Variants in TAP2 observed in about 807,000 individuals in gnomAD.
TAP2 encodes transporter 2, ATP binding cassette subfamily B member, also known as antigen peptide transporter 2.
Under a neutral mutation model 74.7 loss-of-function variants are expected in TAP2, and 49 were observed. The observed-to-expected ratio is 0.66, with a 90% CI of 0.52 to 0.83. TAP2 has a LOEUF of 0.83. TAP2 is among the 40% of genes least tolerant of loss of function. TAP2 has a pLI of 0.00. For missense variants in TAP2, 739 were observed against 859.0 expected, an observed-to-expected ratio of 0.86 and a Z score of 1.75; for synonymous variants, 306 against 368.4, an observed-to-expected ratio of 0.83 and a Z score of 1.94.
At position 32,832,293 on chromosome 6, in the gene TAP2, G is replaced by C. The variant is rs1769128365; in HGVS notation, c.1272+40C>G. On this transcript the variant is annotated intron_variant, in intron 7 of 11. Coordinates refer to ENST00000374897, the MANE Select transcript of TAP2 (RefSeq NM_001290043.2). The surrounding 1 kb of genome is among the most constrained non-coding windows in gnomAD (Gnocchi z 5.9). ...AGGCCCAGGAGTCCACAAAGAAAAAGAGAGGGAAAAAAGGAGAGCAGGCTT... is the reference window on the plus strand; with the variant it reads ...AGGCCCAGGAGTCCACAAAGAAAAACAGAGGGAAAAAAGGAGAGCAGGCTT... The C allele has an allele frequency of 6.2e-7, 1 of 1,612,858 alleles. No individual in the cohort carries two copies. The highest frequency in any genetic ancestry group is 1.3e-5 in the African/African-American group (1 of 75,024).
rs1288173616 is a variant in TAP2 at position 32,827,333 on chromosome 6, T to A, written c.*1573A>T. On this transcript the variant is annotated 3_prime_UTR_variant, in exon 12 of 12. Coordinates refer to ENST00000374897, the MANE Select transcript of TAP2 (RefSeq NM_001290043.2). Reference sequence around the variant, plus strand: ...GTACGATGGTGGAGATATTTATTCATTTATTCAATTGACTATTTATTCTCC... The same window carrying A: ...GTACGATGGTGGAGATATTTATTCAATTATTCAATTGACTATTTATTCTCC... The A allele has an allele frequency of 1.0e-6, 1 of 985,076 alleles. No individual in the cohort carries two copies. Among genetic ancestry groups the A allele is most frequent in the Admixed American group, 6.1e-5 (1 of 16,262 alleles). The allele number at this position is 985,076 out of a possible 1,614,324, so 61.0% of individuals were successfully genotyped here. A position where few individuals can be genotyped will look rare whatever the true frequency, so the allele number is the denominator to read the frequency against.
intron 9 of TAP2, 33 bp downstream of exon 9, chr6:32,830,234 C>T (rs1171008333): frequency 6.2e-7 from 1 of 1,612,922 alleles, no homozygotes; most frequent in East Asian, 2.2e-5. Flanking sequence ...ATGCTCCCCT[C>T]TCCTGTCCCC....
At chr6:32,834,808 C>G (rs914497399) in intron 5 of TAP2, among the ~76,000 whole-genome samples, 17 of 152,152 alleles carry the variant, frequency 1.1e-4, no homozygotes, top group African/African-American at 4.1e-4. Context: ...TCTAAGAAAC[C>G]ATTTTTAATC....
At position 32,837,794 on chromosome 6, in the gene TAP2, G is replaced by A. The variant is rs779856379; in HGVS notation, c.440C>T (p.Pro147Leu). The A allele has an allele frequency of 1.9e-6, 3 of 1,614,080 alleles. No homozygotes were observed. Among genetic ancestry groups the A allele is most frequent in the Non-Finnish European group, 2.5e-6 (3 of 1,180,016 alleles). The change falls in exon 2 of 12, where the codon CCG becomes CTG. Residue 147 changes from proline (P) to leucine (L), a missense_variant. By Grantham distance (98) the Pro-to-Leu change is moderately conservative. Coordinates refer to ENST00000374897, the MANE Select transcript of TAP2 (RefSeq NM_001290043.2). ...LMWRLLKLSR[P>L]DLPLLVAAFF... is the part of the protein sequence containing the mutation. ...GGCGGCAACGAGGAGAGGCAGGTCC[G>A]GCCTGGAGAGCTTCAGCAGCCTCCA...
Position 32,838,112 on chromosome 6 carries a change from T to TC in TAP2, c.121dup (p.Glu41GlyfsTer126). The TC allele has an allele frequency of 6.2e-7, 1 of 1,610,060 alleles. No homozygotes were observed. Among genetic ancestry groups the TC allele is most frequent in the Non-Finnish European group, 8.5e-7 (1 of 1,179,046 alleles). On this transcript the variant is annotated frameshift_variant, in exon 2 of 12. Transcript: ENST00000374897. LOFTEE classifies it high-confidence loss of function. ...CAGCCCTCCCAGCCGCAGGGTCCCC[T>TC]CCAGCCATAGTCCTGGCAGCCCTTG...
In TAP2 at chr6:32,828,540, A is replaced by G; in HGVS notation, c.*366T>C. 1 of 981,810 alleles carries G rather than the reference A, an allele frequency of 1.0e-6. No homozygotes were observed. The highest frequency in any genetic ancestry group is 1.2e-6 in the Non-Finnish European group (1 of 824,956). 60.8% of individuals were successfully genotyped at this position (981,810 alleles called of 1,614,324 possible). ...TTCTTTGTACTTTTTTATATTGTCT[A>G]AATTTTCTATATGAATGTATACAGT... On this transcript the variant is annotated 3_prime_UTR_variant, in exon 12 of 12. Coordinates refer to ENST00000374897, the MANE Select transcript of TAP2 (RefSeq NM_001290043.2).
rs1449032299 is a variant in TAP2 at position 32,838,246 on chromosome 6, G to C, written c.-4-9C>G. 1 of 1,545,682 alleles carries C rather than the reference G, an allele frequency of 6.5e-7. No individual in the cohort carries two copies. The highest frequency in any genetic ancestry group is 1.2e-5 in the South Asian group (1 of 81,134). The stretch of plus-strand genomic sequence containing the variant: ...CAGGGAGCCGCATGGCTCTGTCAAC[G>C]GATACGAGATGAGAAATCATGGGGG... On this transcript the variant is annotated splice_polypyrimidine_tract_variant and intron_variant, in intron 1 of 11. Coordinates refer to ENST00000374897, the MANE Select transcript of TAP2 (RefSeq NM_001290043.2).
At chr6:32,823,544 C>T (rs571406971), downstream of TAP2, among the ~76,000 whole-genome samples, 4 of 150,262 alleles carry the variant, frequency 2.7e-5, no homozygotes, top group African/African-American at 4.9e-5. Context: ...TGTCTTTGCC[C>T]ATCATCTTAT....
chr6:32,838,433 G>A (rs1769587699), intron 1 of TAP2, among the ~76,000 whole-genome samples, 196 bp from the exon 2 acceptor site: 1 of 149,738 alleles, frequency 6.7e-6, no homozygotes, highest in Admixed American at 6.6e-5. Flanking sequence ...CTTCTGGGGA[G>A]CTGGAAGCAT....
intron 5 of TAP2, among the ~76,000 whole-genome samples, chr6:32,833,034 G>A (rs1582578732): frequency 6.6e-6 from 1 of 152,254 alleles, no homozygotes; most frequent in East Asian, 1.9e-4. Flanking sequence ...TAGTATAGGA[G>A]ATACATGCAA....
In TAP2 at chr6:32,826,437, T is replaced by C; in HGVS notation, c.*2469A>G. On this transcript the variant is annotated 3_prime_UTR_variant, in exon 12 of 12. Coordinates refer to ENST00000374897, the MANE Select transcript of TAP2 (RefSeq NM_001290043.2). ...GGAAATTACAGGGTAAGGAGATCAATCAAATGGTGATGGGGGGTAGGAGTG... is the reference window on the plus strand; with the variant it reads ...GGAAATTACAGGGTAAGGAGATCAACCAAATGGTGATGGGGGGTAGGAGTG... 2.0e-6 allele frequency: 2 copies of C among 983,892 alleles called. No individual in the cohort carries two copies. Among genetic ancestry groups the C allele is most frequent in the Non-Finnish European group, 2.4e-6 (2 of 829,876 alleles). The allele number at this position is 983,892 out of a possible 1,614,324, so 60.9% of individuals were successfully genotyped here.
Position 32,828,675 on chromosome 6 carries a change from G to GCGGCC in TAP2, c.*230_*231insGGCCG. The GCGGCC allele has an allele frequency of 1.1e-6, 1 of 884,282 alleles. No homozygotes were observed. Among genetic ancestry groups the GCGGCC allele is most frequent in the Non-Finnish European group, 1.4e-6 (1 of 735,242 alleles). 54.8% of individuals were successfully genotyped at this position (884,282 alleles called of 1,614,324 possible). On this transcript the variant is annotated 3_prime_UTR_variant, in exon 12 of 12. Transcript: ENST00000374897. ...GAATTAAGTTTCCTGGACACAGACA[G>GCGGCC]CCCCCACCCCACCCCACCCCACCTC... is the stretch of plus-strand genomic sequence containing the variant.
chr6:32,832,707 A>G lies in TAP2; in HGVS notation c.1063T>C (p.Tyr355His). The G allele has an allele frequency of 6.2e-7, 1 of 1,612,998 alleles. No individual in the cohort carries two copies. The highest frequency in any genetic ancestry group is 8.5e-7 in the Non-Finnish European group (1 of 1,180,028). Residue 355 changes from tyrosine to histidine, a missense_variant, in exon 6 of 12, where the codon TAT becomes CAT. Coordinates refer to ENST00000374897, the MANE Select transcript of TAP2 (RefSeq NM_001290043.2). This position sits in a 1 kb window ranked among gnomAD's most constrained non-coding sequence, Gnocchi z 5.9. ...CGACATTGTTCAAGGGCCTCTTTAT[A>G]GCGACAGACTTCATGCTCCTCGGCC... ...FGAEEHEVCR[Y>H]KEALEQCRQL...
At chr6:32,838,363 A>G in intron 1 of TAP2, 126 bp from the exon 2 acceptor site, 2 of 1,307,568 alleles carry the variant, frequency 1.5e-6, no homozygotes, top group Non-Finnish European at 2.0e-6. Context: ...CAACCCTGAG[A>G]GCTCTCCTGA....
chr6:32,835,518 A>G lies in TAP2; in HGVS notation c.739+125T>C, dbSNP rs1426090366. 6.6e-7 allele frequency: 1 copy of G among 1,506,396 alleles called. No homozygotes were observed. Among genetic ancestry groups the G allele is most frequent in the South Asian group, 1.2e-5 (1 of 86,228 alleles). The allele number at this position is 1,506,396 out of a possible 1,614,324, so 93.3% of individuals were successfully genotyped here. A position where few individuals can be genotyped will look rare whatever the true frequency, so the allele number is the denominator to read the frequency against. On this transcript the variant is annotated intron_variant, in intron 4 of 11. Transcript: ENST00000374897. This position sits in a 1 kb window ranked among gnomAD's most constrained non-coding sequence, Gnocchi z 4.0. Reference sequence around the variant, plus strand: ...GAGGCTGCTTCTCCACCCTGTCCCAAACAAGAGAAAAGCATCCCCAAGTCC... The same window carrying G: ...GAGGCTGCTTCTCCACCCTGTCCCAGACAAGAGAAAAGCATCCCCAAGTCC...
Position 32,832,241 on chromosome 6 carries a change from A to G in TAP2, c.1272+92T>C. ...CTTGCGGGTTTTGGTTTTGTATTGT[A>G]TTGTTAAAAAGAACAAATAAAGCCC... On this transcript the variant is annotated intron_variant, in intron 7 of 11. Transcript: ENST00000374897. This position sits in a 1 kb window ranked among gnomAD's most constrained non-coding sequence, Gnocchi z 5.9. 1.9e-6 allele frequency: 3 copies of G among 1,578,748 alleles called. No individual in the cohort carries two copies. The African/African-American group carries it at 4.0e-5, about 21-fold the overall frequency.
At position 32,829,472 on chromosome 6, in the gene TAP2, G is replaced by T; in HGVS notation, c.1860C>A (p.Ala620=). Residue 620 remains alanine, a synonymous_variant, in exon 11 of 12, where the codon GCC becomes GCA. Coordinates refer to ENST00000374897, the MANE Select transcript of TAP2 (RefSeq NM_001290043.2). ...GQKQRLAIAR[A]LVRDPRVLIL... ...TGAGGACCCGCGGGTCTCGTACAAG[G>T]GCCCGGGCAATGGCCAGACGTTGTT... The T allele has an allele frequency of 6.2e-7, 1 of 1,614,004 alleles. No homozygotes were observed. The highest frequency in any genetic ancestry group is 2.2e-5 in the East Asian group (1 of 44,868).
intron 9 of TAP2, 78 bp from the exon 10 acceptor site, chr6:32,830,167 C>T: frequency 6.2e-7 from 1 of 1,612,194 alleles, no homozygotes. Flanking sequence ...CCACCTACCT[C>T]CCTCAGAATG....
Position 32,832,470 on chromosome 6 carries a change from G to C in TAP2, c.1144-9C>G. 6.2e-7 allele frequency: 1 copy of C among 1,612,084 alleles called. No homozygotes were observed. On this transcript the variant is annotated splice_polypyrimidine_tract_variant and intron_variant, in intron 6 of 11. Transcript: ENST00000374897. The surrounding 1 kb of genome is among the most constrained non-coding windows in gnomAD (Gnocchi z 5.9). ...ACCCCCAAGTGCAGCACCTGGAAGA[G>C]GAGAAGAAAGAGATGAGGCTGGGAA...
Sources: gnomAD v4.1 joint callset for allele counts (sites outside exome capture counted in the v4.1 genomes callset) on GRCh38, gnomAD v4.1.1 for gene constraint, Gnocchi (gnomAD v3.1) non-coding constraint, MANE v1.5 for transcripts, NCBI Gene and HGNC (gene_info 2026-07-23, HGNC 2026-07-21) for gene names.